PIEZO2: variants seen among roughly 807,000 people sequenced by gnomAD.
PIEZO2 encodes the protein piezo type mechanosensitive ion channel component 2, also known as piezo-type mechanosensitive ion channel component 2.
PIEZO2 carries 172 observed loss-of-function variants against 337.3 expected under a neutral mutation model. The observed-to-expected ratio is 0.51, with a 90% CI of 0.45 to 0.58. The LOEUF (loss-of-function observed/expected upper bound fraction) is 0.58, where lower values mean the gene tolerates loss of function less well. PIEZO2 is among the 20% of genes least tolerant of loss of function. The probability of loss-of-function intolerance (pLI) is 0.00; values close to 1 mark genes in which losing one functional copy is unlikely to be tolerated. For synonymous variants in PIEZO2, 1,251 were observed against 1,228.5 expected, an observed-to-expected ratio of 1.02 and a Z score of -0.38; for missense variants, 3,028 against 3,391.3, an observed-to-expected ratio of 0.89 and a Z score of 2.66.
chr18:10,703,307 A>C (rs917227392), intron 42 of PIEZO2, among the ~76,000 whole-genome samples: 1 of 152,220 alleles, frequency 6.6e-6, no homozygotes. Flanking sequence ...TACATCTTGA[A>C]GTGATGTAAT....
intron 4 of PIEZO2, among the ~76,000 whole-genome samples, chr18:10,891,899 C>T (rs1482665732): frequency 1.3e-5 from 2 of 152,128 alleles, no homozygotes; most frequent in Non-Finnish European, 2.9e-5. Flanking sequence ...GAGTGGTAGA[C>T]ATACTACAAA....
intron 36 of PIEZO2, among the ~76,000 whole-genome samples, chr18:10,731,180 T>TATATATAC (rs1567995653): frequency 3.4e-4 from 4 of 11,668 alleles, no homozygotes; most frequent in African/African-American, 2.0e-3. Flanking sequence ...TAAAAGATTA[T>TATATATAC]ATATATATAT....
chr18:11,145,188 G>A (rs2040776996), intron 1 of PIEZO2, among the ~76,000 whole-genome samples: 1 of 152,072 alleles, frequency 6.6e-6, no homozygotes, highest in East Asian at 1.9e-4. Context: ...TAAAGTTTTT[G>A]GTGGCTATGA....
At position 11,002,798 on chromosome 18, in the gene PIEZO2, T is replaced by C. The variant is rs144002519; in HGVS notation, c.161-23138A>G. 8.2e-4 allele frequency among the ~76,000 whole-genome samples: 125 copies of C among 152,312 alleles called. No individual in the cohort carries two copies. The highest frequency in any genetic ancestry group is 2.9e-3 in the African/African-American group (120 of 41,572). The stretch of plus-strand genomic sequence containing the variant: ...GCTGAACTATGGAAAGCAGGCCACA[T>C]TGGATAATCCAATTTCAAGCACCCC... On this transcript the variant is annotated intron_variant, in intron 2 of 55. Transcript: ENST00000674853. The surrounding 1 kb of genome is among the most constrained non-coding windows in gnomAD (Gnocchi z 4.3).
chr18:10,691,782 C>CACACACACACACACACACACACACACAT, intron 47 of PIEZO2, among the ~76,000 whole-genome samples: 2 of 96,644 alleles, frequency 2.1e-5, no homozygotes, highest in East Asian at 8.6e-4. Flanking sequence ...CACACACACA[C>CACACACACACACACACACACACACACAT]ATATATATAT....
rs1244037577 is a variant in PIEZO2, at chr18:10,773,557, C to T, written c.2640G>A (p.Glu880=). The T allele has an allele frequency of 1.3e-6, 2 of 1,537,446 alleles. No individual in the cohort carries two copies. Among genetic ancestry groups the T allele is most frequent in the Non-Finnish European group, 8.7e-7 (1 of 1,146,960 alleles). Residue 880 remains glutamate, a synonymous_variant, in exon 20 of 56, where the codon GAG becomes GAA. Transcript: ENST00000674853. The surrounding 1 kb of genome is among the most constrained non-coding windows in gnomAD (Gnocchi z 5.3). ...MHLTASLEKP[E]VRKLAEPGEE... is the part of the protein sequence containing the mutation. ...CCCCAGGCTCAGCCAACTTCCTCAC[C>T]TCCGGCTTCTCCAGGCTGGCAGTCA...
At chr18:10,875,483 G>A (rs374777511) in intron 4 of PIEZO2, among the ~76,000 whole-genome samples, 1 of 152,146 alleles carries the variant, frequency 6.6e-6, no homozygotes, top group South Asian at 2.1e-4. Flanking sequence ...GGCCAGGCTT[G>A]GGTGGCTGTT....
rs116684897 is a variant in PIEZO2 at position 10,786,146 on chromosome 18, C to T, written c.2318+890G>A. Among the ~76,000 whole-genome samples the T allele has an allele frequency of 1.0e-2, 1,516 of 152,330 alleles. 30 individuals carry two copies. The highest frequency in any genetic ancestry group is 0.035 in the African/African-American group (1,447 of 41,570). On this transcript the variant is annotated intron_variant, in intron 16 of 55. Transcript: ENST00000674853. The stretch of plus-strand genomic sequence containing the variant: ...TTTAAACCAGCTCCTCAGCAAAGCC[C>T]GTGCCAGTCACTCATTTATAGTTCC...
At chr18:10,752,187 G>A (rs1252888665) in intron 28 of PIEZO2, among the ~76,000 whole-genome samples, 2 of 152,144 alleles carry the variant, frequency 1.3e-5, no homozygotes, top group Non-Finnish European at 2.9e-5. Context: ...CAGTATCATA[G>A]AGAAACATGC....
In PIEZO2 at chr18:11,047,380, C is replaced by T. The variant is rs569475651; in HGVS notation, c.160+18747G>A. 1.2e-4 allele frequency among the ~76,000 whole-genome samples: 19 copies of T among 152,262 alleles called. No homozygotes were observed. The highest frequency in any genetic ancestry group is 4.6e-4 in the African/African-American group (19 of 41,544). ...GAATGGAGTAGGAGCGAGGGAGCCGCGCAGTGCAGCAAAGGCTCCTGCCTA... is the reference window on the plus strand; with the variant it reads ...GAATGGAGTAGGAGCGAGGGAGCCGTGCAGTGCAGCAAAGGCTCCTGCCTA... On this transcript the variant is annotated intron_variant, in intron 2 of 55. Coordinates refer to ENST00000674853, the MANE Select transcript of PIEZO2 (RefSeq NM_001378183.1). The surrounding 1 kb of genome is among the most constrained non-coding windows in gnomAD (Gnocchi z 7.2).
rs370168856 is a variant in PIEZO2 at position 10,748,072 on chromosome 18, G to A, written c.4424+399C>T. ...GAAAAAACAGGTAGTAATGCAAATT[G>A]TGTCAGTGGCTCAGAGAAGAAAAGC... On this transcript the variant is annotated intron_variant, in intron 30 of 55. Coordinates refer to ENST00000674853, the MANE Select transcript of PIEZO2 (RefSeq NM_001378183.1). This position sits in a 1 kb window ranked among gnomAD's most constrained non-coding sequence, Gnocchi z 5.1. Among the ~76,000 whole-genome samples the A allele has an allele frequency of 1.2e-4, 18 of 152,292 alleles. No individual in the cohort carries two copies. Among genetic ancestry groups the A allele is most frequent in the African/African-American group, 3.8e-4 (16 of 41,568 alleles).
intron 2 of PIEZO2, among the ~76,000 whole-genome samples, chr18:11,060,584 G>A (rs936819626): frequency 1.1e-4 from 16 of 152,244 alleles, no homozygotes; most frequent in African/African-American, 3.4e-4. Context: ...TATCACCACC[G>A]ATCCCACGGA....
chr18:10,838,676 G>A (rs1399758274), intron 7 of PIEZO2, among the ~76,000 whole-genome samples: 1 of 152,204 alleles, frequency 6.6e-6, no homozygotes, highest in African/African-American at 2.4e-5. Context: ...TTTCTCTGAT[G>A]TCATCTGTAG....
intron 2 of PIEZO2, among the ~76,000 whole-genome samples, chr18:11,024,649 C>T (rs2036464199): frequency 6.6e-6 from 1 of 151,458 alleles, no homozygotes; most frequent in African/African-American, 2.4e-5. Context: ...TGTTTTGTTT[C>T]GTTTTTTTGA....
At chr18:10,948,701 G>A (rs2033149449) in intron 3 of PIEZO2, among the ~76,000 whole-genome samples, 1 of 152,128 alleles carries the variant, frequency 6.6e-6, no homozygotes, top group Non-Finnish European at 1.5e-5. Context: ...AACCACCGTT[G>A]ATTCTTTTTC....
chr18:10,680,735 G>A lies in PIEZO2; in HGVS notation c.7780-364C>T, dbSNP rs147284964. On this transcript the variant is annotated intron_variant, in intron 51 of 55. Transcript: ENST00000674853. Reference sequence around the variant, plus strand: ...TGTCATGAGAGAGACAAAACAATCTGCTCAGGACATCCCAACCCTCTCTGA... The same window carrying A: ...TGTCATGAGAGAGACAAAACAATCTACTCAGGACATCCCAACCCTCTCTGA... Among the ~76,000 whole-genome samples, 424 of 152,222 alleles carry A rather than the reference G, an allele frequency of 2.8e-3. 4 individuals carry two copies. The highest frequency in any genetic ancestry group is 9.4e-3 in the African/African-American group (390 of 41,518).
chr18:10,732,779 G>A (rs1399162011), intron 35 of PIEZO2, among the ~76,000 whole-genome samples: 1 of 152,218 alleles, frequency 6.6e-6, no homozygotes, highest in Non-Finnish European at 1.5e-5. Flanking sequence ...TTAATTGGGT[G>A]TTAATTGGGA....
chr18:10,930,263 C>T (rs1598707174), intron 3 of PIEZO2, among the ~76,000 whole-genome samples: 1 of 152,150 alleles, frequency 6.6e-6, no homozygotes, highest in East Asian at 1.9e-4. Flanking sequence ...ACATTAGCAT[C>T]TATTGTCTCT....
chr18:10,757,391 G>A (rs371429902), intron 27 of PIEZO2, among the ~76,000 whole-genome samples: 4 of 149,626 alleles, frequency 2.7e-5, no homozygotes, highest in African/African-American at 9.9e-5. Flanking sequence ...TGAGAGATGG[G>A]GGATGAGAAT....
Sources: gnomAD v4.1 joint callset for allele counts (sites outside exome capture counted in the v4.1 genomes callset) on GRCh38, gnomAD v4.1.1 for gene constraint, Gnocchi (gnomAD v3.1) non-coding constraint, MANE v1.5 for transcripts, NCBI Gene and HGNC (gene_info 2026-07-23, HGNC 2026-07-21) for gene names.